Variants in KCNQ1 observed in about 807,000 individuals in gnomAD.
KCNQ1 encodes potassium voltage-gated channel subfamily KQT member 1.
A neutral mutation model predicts 72.4 loss-of-function variants in KCNQ1; 49 were observed. That is an observed-to-expected ratio of 0.68 (90% confidence interval 0.54 to 0.86). The LOEUF (loss-of-function observed/expected upper bound fraction) is 0.86. Ranked by LOEUF, KCNQ1 falls within the 40% of genes least tolerant of loss-of-function variation. The pLI is 0.00. For missense variants in KCNQ1, 790 were observed against 945.1 expected (o/e 0.84, Z 2.15); for synonymous variants, 450 against 412.6 (o/e 1.09, Z -1.10).
chr11:2,538,962 C>T lies in KCNQ1; in HGVS notation c.477+10944C>T, dbSNP rs975768753. Among the ~76,000 whole-genome samples the T allele has an allele frequency of 7.9e-5, 12 of 152,174 alleles. No individual in the cohort carries two copies. Among genetic ancestry groups the T allele is most frequent in the Non-Finnish European group, 1.5e-4 (10 of 68,028 alleles). ...CCCTGGGCTGGAACCTGGGAACCAC[C>T]AGTCAGCGTCTTTCCTCCAGGGAGG... On this transcript the variant is annotated intron_variant, in intron 2 of 15. Transcript: ENST00000155840. The surrounding 1 kb of genome is among the most constrained non-coding windows in gnomAD (Gnocchi z 6.7).
At position 2,627,497 on chromosome 11, in the gene KCNQ1, G is replaced by C; in HGVS notation, c.1394-34464G>C. The C allele has an allele frequency of 2.5e-6, 1 of 398,406 alleles. No homozygotes were observed. Among genetic ancestry groups the C allele is most frequent in the Non-Finnish European group, 4.4e-6 (1 of 226,038 alleles). 24.7% of individuals were successfully genotyped at this position (398,406 alleles called of 1,614,324 possible). A position where few individuals can be genotyped will look rare whatever the true frequency, so the allele number is the denominator to read the frequency against. On this transcript the variant is annotated intron_variant, in intron 10 of 15. Coordinates refer to ENST00000155840, the MANE Select transcript of KCNQ1 (RefSeq NM_000218.3). This position sits in a 1 kb window ranked among gnomAD's most constrained non-coding sequence, Gnocchi z 4.9. The stretch of plus-strand genomic sequence containing the variant: ...CCTAGTAACCACCCTTCTACTCTCC[G>C]TTTCTCTGAGTTCAAGCTTTTTAGA...
intron 15 of KCNQ1, among the ~76,000 whole-genome samples, chr11:2,801,680 G>T (rs551820904): frequency 6.6e-6 from 1 of 152,358 alleles, no homozygotes; most frequent in East Asian, 1.9e-4. Context: ...TGTGAATTTA[G>T]GAGGGCACAG....
In KCNQ1 at chr11:2,655,352, C is replaced by G. The variant is rs1239806015; in HGVS notation, c.1394-6609C>G. ...AAAGGCAGCCAAAGAATTAAAGCAT[C>G]AAAAACCAGGACTGTCTTAGGAAAG... On this transcript the variant is annotated intron_variant, in intron 10 of 15. Coordinates refer to ENST00000155840, the MANE Select transcript of KCNQ1 (RefSeq NM_000218.3). The G allele has an allele frequency of 3.0e-5, 12 of 398,536 alleles. No individual in the cohort carries two copies. In the East Asian group the frequency reaches 4.3e-4, roughly 14 times the overall value. 24.7% of individuals were successfully genotyped at this position (398,536 alleles called of 1,614,324 possible).
chr11:2,615,203 T>C (rs572122422), intron 10 of KCNQ1: 2 of 398,216 alleles, frequency 5.0e-6, no homozygotes, highest in African/African-American at 4.1e-5. Flanking sequence ...GGCTGTTCAT[T>C]CCTGGTATAT....
chr11:2,501,618 C>G (rs1300450090), intron 1 of KCNQ1, among the ~76,000 whole-genome samples: 2 of 150,516 alleles, frequency 1.3e-5, no homozygotes, highest in African/African-American at 4.9e-5. Context: ...TAATACTAAT[C>G]CTTCTGAAAC....
In KCNQ1 at chr11:2,515,996, C is replaced by T. The variant is rs1231522365; in HGVS notation, c.387-11932C>T. On this transcript the variant is annotated intron_variant, in intron 1 of 15. Coordinates refer to ENST00000155840, the MANE Select transcript of KCNQ1 (RefSeq NM_000218.3). This position sits in a 1 kb window ranked among gnomAD's most constrained non-coding sequence, Gnocchi z 4.7. ...CCCAGACCCCAGGGGCCGGGCATCC[C>T]ACAGCTCTCCTCACTGAGCCCCTGG... Among the ~76,000 whole-genome samples, 1 of 152,012 alleles carries T rather than the reference C, an allele frequency of 6.6e-6. No homozygotes were observed. The highest frequency in any genetic ancestry group is 1.5e-5 in the Non-Finnish European group (1 of 68,000).
At chr11:2,758,786 AG>A (rs763816546) in intron 11 of KCNQ1, among the ~76,000 whole-genome samples, 26 of 152,268 alleles carry the variant, frequency 1.7e-4, no homozygotes, top group Non-Finnish European at 3.7e-4. Context: ...GAGGAGAAAA[AG>A]CCTCCCCCGA....
At chr11:2,662,446 A>G (rs888007113) in intron 11 of KCNQ1, 3 of 447,374 alleles carry the variant, frequency 6.7e-6, no homozygotes, top group Non-Finnish European at 1.2e-5. Flanking sequence ...AACCCTGGCC[A>G]AAGCCATGGG....
At position 2,538,007 on chromosome 11, in the gene KCNQ1, G is replaced by A. The variant is rs1847763745; in HGVS notation, c.477+9989G>A. On this transcript the variant is annotated intron_variant, in intron 2 of 15. Transcript: ENST00000155840. This position sits in a 1 kb window ranked among gnomAD's most constrained non-coding sequence, Gnocchi z 6.7. ...GCTGAGATTATAGGCATGAACCACT[G>A]CACTCAGCCTGCTTTGTTTTTATCC... Among the ~76,000 whole-genome samples the A allele has an allele frequency of 1.3e-5, 2 of 152,152 alleles. 1 individual carries two copies. The highest frequency in any genetic ancestry group is 4.1e-4 in the South Asian group (2 of 4,832).
intron 15 of KCNQ1, among the ~76,000 whole-genome samples, chr11:2,788,002 G>A (rs1345777461): frequency 6.6e-6 from 1 of 152,226 alleles, no homozygotes; most frequent in African/African-American, 2.4e-5. Context: ...GCGCGTGTGG[G>A]GAGGTGAGTG....
At chr11:2,561,389 C>A (rs1364573075) in intron 2 of KCNQ1, among the ~76,000 whole-genome samples, 1 of 152,156 alleles carries the variant, frequency 6.6e-6, no homozygotes, top group Non-Finnish European at 1.5e-5. Context: ...CTGTACCCCA[C>A]CTGTACTCAG....
chr11:2,628,063 C>T (rs886924538), intron 10 of KCNQ1: 5 of 398,414 alleles, frequency 1.3e-5, no homozygotes, highest in South Asian at 2.5e-4. Flanking sequence ...TACTATGTTG[C>T]TCATTTCTTG....
At chr11:2,591,215 G>C (rs1848666322) in intron 10 of KCNQ1, among the ~76,000 whole-genome samples, 2 of 152,224 alleles carry the variant, frequency 1.3e-5, no homozygotes, top group African/African-American at 4.8e-5. Flanking sequence ...AGTTCATTCA[G>C]GATGGCTCAC....
chr11:2,596,904 A>G (rs1007461676), intron 10 of KCNQ1, among the ~76,000 whole-genome samples: 1 of 151,694 alleles, frequency 6.6e-6, no homozygotes, highest in African/African-American at 2.4e-5. Context: ...TATATTTTGC[A>G]TAGCAAAAAA....
chr11:2,599,565 T>A lies in KCNQ1; in HGVS notation c.1393+10711T>A, dbSNP rs762032833. Among the ~76,000 whole-genome samples, 4 of 152,246 alleles carry A rather than the reference T, an allele frequency of 2.6e-5. No individual in the cohort carries two copies. The highest frequency in any genetic ancestry group is 5.9e-5 in the Non-Finnish European group (4 of 68,042). On this transcript the variant is annotated intron_variant, in intron 10 of 15. Coordinates refer to ENST00000155840, the MANE Select transcript of KCNQ1 (RefSeq NM_000218.3). The surrounding 1 kb of genome is among the most constrained non-coding windows in gnomAD (Gnocchi z 4.7). ...ATGTATTAGTTTGCTAGGACTGCCA[T>A]AACAAAATACCACAGGCTGGGTGGC...
At chr11:2,514,641 A>G (rs1436517721) in intron 1 of KCNQ1, among the ~76,000 whole-genome samples, 1 of 152,218 alleles carries the variant, frequency 6.6e-6, no homozygotes, top group Non-Finnish European at 1.5e-5. Context: ...CCTGGCTAAC[A>G]CTGTGAAACC....
chr11:2,600,850 T>C lies in KCNQ1; in HGVS notation c.1393+11996T>C, dbSNP rs1366716045. On this transcript the variant is annotated intron_variant, in intron 10 of 15. Coordinates refer to ENST00000155840, the MANE Select transcript of KCNQ1 (RefSeq NM_000218.3). The surrounding 1 kb of genome is among the most constrained non-coding windows in gnomAD (Gnocchi z 5.6). ...AGTCCTGCCACTTCTTGGGGGAGTC[T>C]GATGTTTCCTCAGGTTAGATCCACG... Among the ~76,000 whole-genome samples the C allele has an allele frequency of 6.6e-6, 1 of 152,190 alleles. No homozygotes were observed. The highest frequency in any genetic ancestry group is 2.4e-5 in the African/African-American group (1 of 41,460).
intron 2 of KCNQ1, among the ~76,000 whole-genome samples, chr11:2,539,858 T>TG (rs1847795247): frequency 6.6e-6 from 1 of 152,158 alleles, no homozygotes; most frequent in African/African-American, 2.4e-5. Context: ...CCACGTTCGG[T>TG]GGGGGTCTCT....
intron 1 of KCNQ1, among the ~76,000 whole-genome samples, chr11:2,487,221 A>G (rs936084671): frequency 2.0e-5 from 3 of 152,104 alleles, no homozygotes; most frequent in Non-Finnish European, 4.4e-5. Flanking sequence ...CTCATGTTCC[A>G]TTGGTTTATA....
Sources: gnomAD v4.1 joint callset for allele counts (sites outside exome capture counted in the v4.1 genomes callset) on GRCh38, gnomAD v4.1.1 for gene constraint, Gnocchi (gnomAD v3.1) non-coding constraint, MANE v1.5 for transcripts, NCBI Gene and HGNC (gene_info 2026-07-23, HGNC 2026-07-21) for gene names.